Variants in SMIM9 observed in about 807,000 individuals in gnomAD.
SMIM9 encodes chromosome X open reading frame 68.
A neutral mutation model predicts 7.2 loss-of-function variants in SMIM9; 8 were observed. That is an observed-to-expected ratio of 1.10 (90% confidence interval 0.65 to 1.99). The LOEUF (loss-of-function observed/expected upper bound fraction) is 1.99, where lower values mean the gene tolerates loss of function less well. Among genes scored for constraint, SMIM9 ranks in the 30% most tolerant of loss-of-function variants. The probability of loss-of-function intolerance (pLI) is 0.00; values close to 1 mark genes in which losing one functional copy is unlikely to be tolerated. For synonymous variants in SMIM9, 19 were observed against 26.4 expected (o/e 0.72, Z 0.86); for missense variants, 76 against 69.3 (o/e 1.10, Z -0.34).
chrX:154,823,978 A>T (rs781847307), intron 4 of SMIM9, among the ~76,000 whole-genome samples, 196 bp from the exon 5 acceptor site: 35 of 112,228 alleles, frequency 3.1e-4, no homozygotes, highest in Non-Finnish European at 5.8e-4. Context: ...TAGTGGTATA[A>T]GTATGGTTAG....
intron 4 of SMIM9, among the ~76,000 whole-genome samples, chrX:154,828,658 C>G (rs2072431654): frequency 8.9e-6 from 1 of 111,899 alleles, no homozygotes; most frequent in Admixed American, 9.5e-5. Context: ...AAGCTTCTCT[C>G]AAAAGCTTAG....
Position 154,826,706 on chromosome X carries a change from A to G in SMIM9, c.272+2829T>C, listed in dbSNP as rs781801613. On this transcript the variant is annotated intron_variant, in intron 4 of 4. Coordinates refer to ENST00000369529, the MANE Select transcript of SMIM9 (RefSeq NM_001162936.4). ...ACGTTTCTTGTGTTTTCCATATAGTAACTCTGCATAGATCTGGTGCTGTTT... is the reference window on the plus strand; with the variant it reads ...ACGTTTCTTGTGTTTTCCATATAGTGACTCTGCATAGATCTGGTGCTGTTT... Among the ~76,000 whole-genome samples the G allele has an allele frequency of 7.1e-5, 8 of 112,643 alleles. No homozygotes were observed. In the South Asian group the frequency reaches 2.9e-3, roughly 41 times the overall value.
chrX:154,830,488 T>G (rs988005945), intron 3 of SMIM9: 2 of 306,211 alleles, frequency 6.5e-6, no homozygotes, highest in Middle Eastern at 9.4e-4. Flanking sequence ...ATCTGTGAGC[T>G]CCTTCATAAC....
intron 4 of SMIM9, among the ~76,000 whole-genome samples, chrX:154,824,967 A>C (rs1487043036): frequency 8.9e-6 from 1 of 112,390 alleles, no homozygotes; most frequent in Non-Finnish European, 1.9e-5. Flanking sequence ...GAAATGTCTT[A>C]ATTAAAAATC....
intron 4 of SMIM9, among the ~76,000 whole-genome samples, chrX:154,828,966 G>A (rs187734685): frequency 2.5e-4 from 28 of 111,306 alleles, no homozygotes; most frequent in Non-Finnish European, 1.9e-4. Context: ...CTCCCCACTT[G>A]GACTCTGTCT....
At chrX:154,831,955 A>G (rs1557270614) in intron 2 of SMIM9, among the ~76,000 whole-genome samples, 2 of 110,745 alleles carry the variant, frequency 1.8e-5, no homozygotes, top group Non-Finnish European at 3.8e-5. Context: ...CCAGAACCTC[A>G]TCAGAACCTA....
At chrX:154,829,409 A>C in intron 4 of SMIM9, 126 bp downstream of exon 4, 1 of 848,799 alleles carries the variant, frequency 1.2e-6, no homozygotes, top group Non-Finnish European at 1.6e-6. Context: ...TTTTCCTCCC[A>C]GAATTGAATT....
rs781797519 is a variant in SMIM9 at position 154,824,249 on chromosome X, C to A, written c.273-467G>T. 7.4e-3 allele frequency among the ~76,000 whole-genome samples: 779 copies of A among 105,922 alleles called. 3 individuals carry two copies. Among genetic ancestry groups the A allele is most frequent in the Non-Finnish European group, 0.011 (574 of 51,582 alleles). The allele number at this position is 105,922 out of a possible 115,157, so 92.0% of individuals were successfully genotyped here. On this transcript the variant is annotated intron_variant, in intron 4 of 4. Coordinates refer to ENST00000369529, the MANE Select transcript of SMIM9 (RefSeq NM_001162936.4). The stretch of plus-strand genomic sequence containing the variant: ...GCGGGCGCCTGTAGTCCCAGCTACT[C>A]GGGAGGCTGAGGCAGGAGAATGGCG...
At chrX:154,825,712 C>A (rs1557270193) in intron 4 of SMIM9, among the ~76,000 whole-genome samples, 1 of 109,029 alleles carries the variant, frequency 9.2e-6, no homozygotes, top group South Asian at 4.0e-4. Context: ...AAATGTGGCA[C>A]ATATACACCA....
chrX:154,830,051 G>A (rs1203236383), intron 3 of SMIM9, among the ~76,000 whole-genome samples: 1 of 111,559 alleles, frequency 9.0e-6, no homozygotes, highest in South Asian at 3.8e-4. Context: ...GAGTATCCCA[G>A]GAAGAGAAAG....
At chrX:154,827,810 C>T (rs1047166552) in intron 4 of SMIM9, among the ~76,000 whole-genome samples, 2 of 111,832 alleles carry the variant, frequency 1.8e-5, no homozygotes, top group East Asian at 2.8e-4. Context: ...CCCATATTTC[C>T]GCTTGAGAAA....
intron 4 of SMIM9, among the ~76,000 whole-genome samples, chrX:154,824,355 C>CAAAAA (rs375492512): frequency 6.8e-4 from 29 of 42,406 alleles, no homozygotes; most frequent in Non-Finnish European, 1.1e-3. Context: ...GACTCCGTCT[C>CAAAAA]AAAAAAAAAA....
At chrX:154,833,918 T>A (rs369579905) in intron 1 of SMIM9, among the ~76,000 whole-genome samples, 4 of 112,143 alleles carry the variant, frequency 3.6e-5, no homozygotes, top group African/African-American at 1.3e-4. Context: ...TCCTCCAGTC[T>A]CCCCCAGTTT....
chrX:154,830,988 A>G (rs1437298597), intron 2 of SMIM9, 33 bp from the exon 3 acceptor site: 2 of 729,994 alleles, frequency 2.7e-6, no homozygotes, highest in Non-Finnish European at 1.9e-6. Flanking sequence ...TTTAGCTCAT[A>G]TTCCAAAAAT....
At chrX:154,828,196 C>T (rs1312261472) in intron 4 of SMIM9, among the ~76,000 whole-genome samples, 2 of 111,818 alleles carry the variant, frequency 1.8e-5, no homozygotes, top group Non-Finnish European at 3.8e-5. Context: ...GTGTCCAGCT[C>T]AAAGTCCAGA....
At position 154,823,798 on chromosome X, in the gene SMIM9, A is replaced by G. The variant is rs1287532232; in HGVS notation, c.273-16T>C. ...TACAAGAATGCTGGGAAAGGAAGATAAAATGGTGAATGCTCTGCACAGAGT... is the reference window on the plus strand; with the variant it reads ...TACAAGAATGCTGGGAAAGGAAGATGAAATGGTGAATGCTCTGCACAGAGT... On this transcript the variant is annotated splice_polypyrimidine_tract_variant and intron_variant, in intron 4 of 4. Coordinates refer to ENST00000369529, the MANE Select transcript of SMIM9 (RefSeq NM_001162936.4). The G allele has an allele frequency of 8.6e-7, 1 of 1,157,026 alleles. No individual in the cohort carries two copies. The highest frequency in any genetic ancestry group is 1.2e-6 in the Non-Finnish European group (1 of 868,308).
At chrX:154,824,705 C>G (rs1409715504) in intron 4 of SMIM9, among the ~76,000 whole-genome samples, 1 of 112,390 alleles carries the variant, frequency 8.9e-6, no homozygotes, top group Non-Finnish European at 1.9e-5. Context: ...ATTTAAGTTT[C>G]CATTTCTTCA....
rs908191998 is a variant in SMIM9 at position 154,831,528 on chromosome X, G to A, written c.-99-573C>T. On this transcript the variant is annotated intron_variant, in intron 2 of 4. Coordinates refer to ENST00000369529, the MANE Select transcript of SMIM9 (RefSeq NM_001162936.4). ...ACTTACAAAACGTATCCAGAATCCT[G>A]CCACTTCACACCACCTCCACTGCTA... Among the ~76,000 whole-genome samples, 6 of 109,861 alleles carry A rather than the reference G, an allele frequency of 5.5e-5. No individual in the cohort carries two copies. The East Asian group carries it at 1.7e-3, about 31-fold the overall frequency.
Position 154,824,288 on chromosome X carries a change from G to A in SMIM9, c.273-506C>T, listed in dbSNP as rs782273781. Among the ~76,000 whole-genome samples, 8 of 103,462 alleles carry A rather than the reference G, an allele frequency of 7.7e-5. No individual in the cohort carries two copies. The South Asian group carries it at 2.2e-3, about 29-fold the overall frequency. 89.8% of individuals were successfully genotyped at this position (103,462 alleles called of 115,157 possible). ...AGGAGAATGGCGTGAACCCGGAGGC[G>A]GAGCTTGCAGTGAGCCGAGATCACG... On this transcript the variant is annotated intron_variant, in intron 4 of 4. Transcript: ENST00000369529.
Sources: gnomAD v4.1 joint callset for allele counts (sites outside exome capture counted in the v4.1 genomes callset) on GRCh38, gnomAD v4.1.1 for gene constraint, MANE v1.5 for transcripts, NCBI Gene and HGNC (gene_info 2026-07-23, HGNC 2026-07-21) for gene names.